Variants in CDC25C observed in about 807,000 individuals in gnomAD.
The protein encoded by CDC25C is M-phase inducer phosphatase 3.
A neutral mutation model predicts 52.5 loss-of-function variants in CDC25C; 48 were observed. The observed-to-expected ratio is 0.91, with a 90% CI of 0.72 to 1.16. CDC25C has a LOEUF of 1.16. CDC25C is among the 50% of genes most tolerant of loss of function. The pLI is 0.00. For missense variants in CDC25C, 510 were observed against 566.1 expected (o/e 0.90, Z 1.01); for synonymous variants, 187 against 206.5 (o/e 0.91, Z 0.81).
At chr5:138,311,551 C>T (rs1358422525) in intron 7 of CDC25C, among the ~76,000 whole-genome samples, 3 of 152,122 alleles carry the variant, frequency 2.0e-5, no homozygotes, top group African/African-American at 4.8e-5. Context: ...GCTATGTGAT[C>T]GCATCACTAT....
chr5:138,287,702 G>T (rs535343786), intron 10 of CDC25C, among the ~76,000 whole-genome samples: 1 of 152,212 alleles, frequency 6.6e-6, no homozygotes, highest in African/African-American at 2.4e-5. Flanking sequence ...GATACCTAAA[G>T]GAAGGAAGAA....
intron 9 of CDC25C, 99 bp from the exon 10 acceptor site, chr5:138,289,662 AC>A (rs1756548615): frequency 1.1e-6 from 1 of 899,020 alleles, no homozygotes; most frequent in Non-Finnish European, 1.8e-6. Flanking sequence ...GACCCTTAAA[AC>A]CCCAGAGGCC....
intron 7 of CDC25C, among the ~76,000 whole-genome samples, chr5:138,316,119 C>T (rs1329670953): frequency 6.6e-6 from 1 of 152,216 alleles, no homozygotes; most frequent in Non-Finnish European, 1.5e-5. Flanking sequence ...TCCCTGCCTT[C>T]CCGGGTGCAG....
At chr5:138,306,643 T>C (rs1354519256) in intron 7 of CDC25C, among the ~76,000 whole-genome samples, 1 of 151,828 alleles carries the variant, frequency 6.6e-6, no homozygotes, top group Non-Finnish European at 1.5e-5. Context: ...GCCCAGCTAA[T>C]TTGTGTATTT....
chr5:138,329,621 A>T lies in CDC25C; in HGVS notation c.221T>A (p.Leu74His). 1 of 1,613,250 alleles carries T rather than the reference A, an allele frequency of 6.2e-7. No homozygotes were observed. The highest frequency in any genetic ancestry group is 2.2e-5 in the East Asian group (1 of 44,860). ...TATCTCCCCACTGCTAAGATTCGAA[A>T]GATCGAGGCAACGTTTTGGGGTTCC... ...SGGTPKRCLD[L>H]SNLSSGEITA... Residue 74 changes from leucine to histidine, a missense_variant, in exon 3 of 14, where the codon CTT (leucine) becomes CAT (histidine). Physicochemically the swap from Leu to His is moderately conservative, Grantham distance 99. Transcript: ENST00000323760.
chr5:138,286,396 C>T (rs1756232591), intron 12 of CDC25C, 101 bp downstream of exon 12: 1 of 1,304,374 alleles, frequency 7.7e-7, no homozygotes, highest in Admixed American at 2.3e-5. Context: ...CCCTAACATT[C>T]TTCAAACTGT....
chr5:138,313,821 C>A (rs1758638451), intron 7 of CDC25C, among the ~76,000 whole-genome samples: 1 of 152,070 alleles, frequency 6.6e-6, no homozygotes, highest in African/African-American at 2.4e-5. Flanking sequence ...TCCTTAGCAT[C>A]TATAACTCAA....
intron 2 of CDC25C, 79 bp from the exon 3 acceptor site, chr5:138,329,726 CT>C (rs71574413): frequency 0.18 from 52,326 of 290,856 alleles, 252 homozygotes; most frequent in South Asian, 0.2. Context: ...TCATCCTCTT[CT>C]TTTTTTTTTT....
At chr5:138,309,373 T>C (rs946932895) in intron 7 of CDC25C, among the ~76,000 whole-genome samples, 8 of 152,116 alleles carry the variant, frequency 5.3e-5, no homozygotes, top group African/African-American at 1.4e-4. Flanking sequence ...CTGGCCAACA[T>C]GGTGAAACCC....
At chr5:138,328,442 TA>T in intron 4 of CDC25C, 41 bp downstream of exon 4, 42 of 1,592,648 alleles carry the variant, frequency 2.6e-5, no homozygotes, top group Non-Finnish European at 3.5e-5. Flanking sequence ...TGACCAGTGC[TA>T]AAAGGCTTTT....
chr5:138,337,260 TAAC>T (rs1321349539), intron 1 of CDC25C: 1 of 152,410 alleles, frequency 6.6e-6, no homozygotes, highest in Non-Finnish European at 1.5e-5. Context: ...CTTCACACAC[TAAC>T]GTCTACATTC....
chr5:138,286,722 G>A, intron 11 of CDC25C, 92 bp from the exon 12 acceptor site: 2 of 1,235,362 alleles, frequency 1.6e-6, no homozygotes, highest in Non-Finnish European at 2.3e-6. Flanking sequence ...CTGGGATAAT[G>A]TGGACCAGAA....
At chr5:138,336,213 ATC>A (rs989038275), upstream of CDC25C, among the ~76,000 whole-genome samples, 2 of 151,376 alleles carry the variant, frequency 1.3e-5, no homozygotes, top group Non-Finnish European at 2.9e-5. Context: ...GCTCACTGCA[ATC>A]TCTGCCTCCC....
chr5:138,334,500 C>T (rs2350636), upstream of CDC25C, among the ~76,000 whole-genome samples: 38,967 of 151,856 alleles, frequency 0.26, 6,115 homozygotes, highest in South Asian at 0.4. Flanking sequence ...TACAGGCATG[C>T]GCCACCACAC....
intron 6 of CDC25C, among the ~76,000 whole-genome samples, chr5:138,320,616 T>C (rs950280253): frequency 3.3e-5 from 5 of 151,888 alleles, no homozygotes; most frequent in Admixed American, 3.3e-4. Context: ...ACCCAGGAGT[T>C]TGAGACCAGC....
intron 7 of CDC25C, among the ~76,000 whole-genome samples, chr5:138,297,686 T>A (rs1439390626): frequency 6.6e-6 from 1 of 152,212 alleles, no homozygotes; most frequent in Non-Finnish European, 1.5e-5. Flanking sequence ...ACGTTTTGAG[T>A]ACCTACTAGG....
intron 7 of CDC25C, among the ~76,000 whole-genome samples, chr5:138,306,172 A>G (rs1394034184): frequency 6.6e-6 from 1 of 151,962 alleles, no homozygotes; most frequent in Admixed American, 6.6e-5. Flanking sequence ...CTCCAGAAAA[A>G]TCCCTTTTCT....
Position 138,325,885 on chromosome 5 carries a change from G to C in CDC25C, c.389C>G (p.Thr130Ser). 1.1e-5 allele frequency: 18 copies of C among 1,614,062 alleles called. No homozygotes were observed. Among genetic ancestry groups the C allele is most frequent in the Non-Finnish European group, 1.5e-5 (18 of 1,179,958 alleles). ...ATGGCCACGGTCCAAACCATTCGGA[G>C]TGCTACAAAGAAGCTGTGCCTAAAA... ...KCSPAQLLCS[T>S]PNGLDRGHRK... The change falls in exon 6 of 14, where the codon ACT becomes AGT. Residue 130 changes from threonine to serine, a missense_variant. Transcript: ENST00000323760.
At chr5:138,330,941 T>C (rs765846637) in intron 2 of CDC25C, 46 bp downstream of exon 2, 7 of 1,350,756 alleles carry the variant, frequency 5.2e-6, no homozygotes, top group Non-Finnish European at 6.3e-6. Context: ...CCCAACTGTT[T>C]GGAAATAGCA....
Sources: gnomAD v4.1 joint callset for allele counts (sites outside exome capture counted in the v4.1 genomes callset) on GRCh38, gnomAD v4.1.1 for gene constraint, MANE v1.5 for transcripts, NCBI Gene and HGNC (gene_info 2026-07-23, HGNC 2026-07-21) for gene names.